The following POLE variants were observed in gnomAD, a reference collection of about 807,000 sequenced individuals.
The protein encoded by POLE is DNA polymerase epsilon catalytic subunit A.
Under a neutral mutation model 279.2 loss-of-function variants are expected in POLE, and 188 were observed. The observed-to-expected ratio is 0.67, with a 90% CI of 0.60 to 0.76. The LOEUF is 0.76. Ranked by LOEUF, POLE falls within the 30% of genes least tolerant of loss-of-function variation. POLE has a pLI of 0.00. For missense variants in POLE, 2,703 were observed against 3,016.7 expected (o/e 0.90, Z 2.44); for synonymous variants, 1,214 against 1,172.5 (o/e 1.04, Z -0.72).
At position 132,673,485 on chromosome 12, in the gene POLE, C is replaced by T. The variant is rs544472412; in HGVS notation, c.1359+90G>A. 71 of 1,554,226 alleles carry T rather than the reference C, an allele frequency of 4.6e-5. No individual in the cohort carries two copies. The Middle Eastern group carries it at 2.4e-3, about 52-fold the overall frequency. ...GCGTGCACACGGCAGCAGGGGGAGCCGGGATGTGGCTCACATGCCTGGGGC... is the reference window on the plus strand; with the variant it reads ...GCGTGCACACGGCAGCAGGGGGAGCTGGGATGTGGCTCACATGCCTGGGGC... On this transcript the variant is annotated intron_variant, in intron 13 of 48. Coordinates refer to ENST00000320574, the MANE Select transcript of POLE (RefSeq NM_006231.4).
rs911635257 is a variant in POLE at position 132,661,232 on chromosome 12, A to C, written c.2865-68T>G. On this transcript the variant is annotated intron_variant, in intron 24 of 48. Transcript: ENST00000320574. This position sits in a 1 kb window ranked among gnomAD's most constrained non-coding sequence, Gnocchi z 4.1. ...GCTGGGGAGCCACCAGCTGTGCCTCATCCTCTCTGCCCGCCTCTTCCCTTT... is the reference window on the plus strand; with the variant it reads ...GCTGGGGAGCCACCAGCTGTGCCTCCTCCTCTCTGCCCGCCTCTTCCCTTT... 1 of 1,390,994 alleles carries C rather than the reference A, an allele frequency of 7.2e-7. No individual in the cohort carries two copies. Among genetic ancestry groups the C allele is most frequent in the Admixed American group, 2.1e-5 (1 of 46,892 alleles). 86.2% of individuals were successfully genotyped at this position (1,390,994 alleles called of 1,614,324 possible).
intron 29 of POLE, among the ~76,000 whole-genome samples, chr12:132,652,354 C>T (rs1170263697): frequency 7.3e-6 from 1 of 137,148 alleles, no homozygotes; most frequent in Admixed American, 7.9e-5. Flanking sequence ...ACAGGGGTCT[C>T]GCTCTGTCAC....
chr12:132,669,155 C>T lies in POLE; in HGVS notation c.1795-216G>A, dbSNP rs115647860. On this transcript the variant is annotated intron_variant, in intron 16 of 48. Coordinates refer to ENST00000320574, the MANE Select transcript of POLE (RefSeq NM_006231.4). ...ATTAGAAAATTACTTGAACACTAAA[C>T]TCTCCTTAGTATTAAAAAAAATCCT... Among the ~76,000 whole-genome samples the T allele has an allele frequency of 9.0e-3, 1,369 of 152,214 alleles. 14 individuals carry two copies. Among genetic ancestry groups the T allele is most frequent in the African/African-American group, 0.032 (1,309 of 41,546 alleles).
Position 132,665,286 on chromosome 12 carries a change from G to T in POLE, c.2468+16C>A. The T allele has an allele frequency of 1.9e-6, 3 of 1,610,080 alleles. No individual in the cohort carries two copies. Among genetic ancestry groups the T allele is most frequent in the Non-Finnish European group, 2.5e-6 (3 of 1,177,092 alleles). Reference sequence around the variant, plus strand: ...CATTCCTCCCATAAGCCTCTCCCGGGCCCGGGCCCACCTACCCCTTGCGCA... The same window carrying T: ...CATTCCTCCCATAAGCCTCTCCCGGTCCCGGGCCCACCTACCCCTTGCGCA... On this transcript the variant is annotated intron_variant, in intron 21 of 48. Coordinates refer to ENST00000320574, the MANE Select transcript of POLE (RefSeq NM_006231.4).
intron 15 of POLE, 41 bp downstream of exon 15, chr12:132,672,586 A>C: frequency 6.3e-7 from 1 of 1,590,742 alleles, no homozygotes. Flanking sequence ...CTACCACAGC[A>C]CAAGAGTGGG....
At chr12:132,669,987 C>T (rs1005506554) in intron 16 of POLE, among the ~76,000 whole-genome samples, 43 of 152,184 alleles carry the variant, frequency 2.8e-4, no homozygotes, top group South Asian at 8.3e-4. Context: ...AGCTCTCTTC[C>T]TCACTCACCA....
chr12:132,666,396 T>G (rs2042797571), intron 20 of POLE, among the ~76,000 whole-genome samples: 2 of 152,254 alleles, frequency 1.3e-5, no homozygotes, highest in African/African-American at 4.8e-5. Flanking sequence ...GAGACCAGCC[T>G]GGGCAACATG....
chr12:132,671,348 G>A (rs182186726), intron 16 of POLE, among the ~76,000 whole-genome samples: 1 of 148,904 alleles, frequency 6.7e-6, no homozygotes, highest in African/African-American at 2.5e-5. Flanking sequence ...CACTGAACAT[G>A]ATGTAGTGCT....
chr12:132,632,179 C>G lies in POLE; in HGVS notation c.6330+136G>C, dbSNP rs373020604. 7.3e-6 allele frequency: 5 copies of G among 682,052 alleles called. No homozygotes were observed. The South Asian group carries it at 9.2e-5, about 12-fold the overall frequency. 42.3% of individuals were successfully genotyped at this position (682,052 alleles called of 1,614,324 possible). A position where few individuals can be genotyped will look rare whatever the true frequency, so the allele number is the denominator to read the frequency against. On this transcript the variant is annotated intron_variant, in intron 45 of 48. Transcript: ENST00000320574. ...ACATCCTTACCATGCACAGGTATGTCGGTGTCCTTATCTTGCACACATACG... is the reference window on the plus strand; with the variant it reads ...ACATCCTTACCATGCACAGGTATGTGGGTGTCCTTATCTTGCACACATACG...
chr12:132,671,574 C>T (rs1565969762), intron 16 of POLE, among the ~76,000 whole-genome samples: 2 of 148,868 alleles, frequency 1.3e-5, no homozygotes, highest in African/African-American at 5.0e-5. Context: ...GAGCCTGAGG[C>T]AGGAGAATTG....
Position 132,642,913 on chromosome 12 carries a change from G to T in POLE, c.4635C>A (p.Leu1545=), listed in dbSNP as rs199945393. 2.5e-6 allele frequency: 4 copies of T among 1,613,466 alleles called. No homozygotes were observed. The African/African-American group carries it at 5.3e-5, about 22-fold the overall frequency. Residue 1545 remains leucine, a synonymous_variant, in exon 36 of 49, where the codon CTC becomes CTA. Coordinates refer to ENST00000320574, the MANE Select transcript of POLE (RefSeq NM_006231.4). ...CGAAGGTGTGTTTGGGGGGTGGCAGGAGCTCAGGGCCCACCTTCTCCAGGA... is the reference window on the plus strand; with the variant it reads ...CGAAGGTGTGTTTGGGGGGTGGCAGTAGCTCAGGGCCCACCTTCTCCAGGA... ...GLLLEKVGPE[L]LPPPKHTFEV...
chr12:132,681,018 A>T (rs2043154133), intron 2 of POLE, 120 bp downstream of exon 2: 1 of 1,194,762 alleles, frequency 8.4e-7, no homozygotes, highest in Non-Finnish European at 1.2e-6. Flanking sequence ...GAACCTTCAC[A>T]TCTCCCACCT....
rs371147799 is a variant in POLE at position 132,679,616 on chromosome 12, G to A, written c.459C>T (p.Ile153=). The change falls in exon 6 of 49, where the codon ATC becomes ATT. Residue 153 remains isoleucine, a synonymous_variant. Transcript: ENST00000320574. Reference sequence around the variant, plus strand: ...CCTCCACAGTGTGGAAGGACAGCCTGATGTAATTTCGCTTCAAACCCACCA... The same window carrying A: ...CCTCCACAGTGTGGAAGGACAGCCTAATGTAATTTCGCTTCAAACCCACCA... ...NHLVGLKRNY[I]RLSFHTVEDL... is the part of the protein sequence containing the mutation. 1.9e-6 allele frequency: 3 copies of A among 1,612,898 alleles called. No homozygotes were observed. The highest frequency in any genetic ancestry group is 2.2e-5 in the South Asian group (2 of 91,062).
chr12:132,672,780 G>A lies in POLE; in HGVS notation c.1533C>T (p.His511=), dbSNP rs545378475. The change falls in exon 15 of 49, where the codon CAC becomes CAT. Residue 511 remains histidine, a synonymous_variant. Transcript: ENST00000320574. ...GCTTGTTGGGGAAGATGATGTTGGC[G>A]TGGAAGGCCTGCACCATCAGCAAGG... ...CEALLMVQAF[H]ANIIFPNKQE... is the part of the protein sequence containing the mutation. The A allele has an allele frequency of 2.5e-5, 40 of 1,614,176 alleles. No homozygotes were observed. Among genetic ancestry groups the A allele is most frequent in the South Asian group, 1.6e-4 (15 of 91,086 alleles).
chr12:132,648,761 G>A (rs5744906), intron 32 of POLE, 168 bp downstream of exon 32: 5 of 682,742 alleles, frequency 7.3e-6, no homozygotes, highest in African/African-American at 3.6e-5. Flanking sequence ...CCCGGCACTC[G>A]CTCTGCCCCA....
At position 132,673,073 on chromosome 12, in the gene POLE, C is replaced by T. The variant is rs540344652; in HGVS notation, c.1473+91G>A. 4.3e-6 allele frequency: 4 copies of T among 920,038 alleles called. No individual in the cohort carries two copies. The Admixed American group carries it at 5.3e-5, about 12-fold the overall frequency. The allele number at this position is 920,038 out of a possible 1,614,324, so 57.0% of individuals were successfully genotyped here. ...ACTGCCGCCTCTGGTGCCAGCACTC[C>T]TGGGACATCCACCTCCATTCAGCTC... On this transcript the variant is annotated intron_variant, in intron 14 of 48. Coordinates refer to ENST00000320574, the MANE Select transcript of POLE (RefSeq NM_006231.4).
chr12:132,642,436 G>A (rs372358148), intron 37 of POLE, 39 bp from the exon 38 acceptor site: 29 of 1,594,884 alleles, frequency 1.8e-5, no homozygotes, highest in African/African-American at 4.0e-5. Context: ...GCACATCGCC[G>A]GGTCACAGAG....
At chr12:132,683,112 T>C (rs2043202749) in intron 1 of POLE, among the ~76,000 whole-genome samples, 1 of 152,024 alleles carries the variant, frequency 6.6e-6, no homozygotes, top group Non-Finnish European at 1.5e-5. Context: ...CCACTTGTGG[T>C]AGGCAGGCAG....
Position 132,649,850 on chromosome 12 carries a change from T to G in POLE, c.3622A>C (p.Ser1208Arg), listed in dbSNP as rs1207616449. The change falls in exon 30 of 49, where the codon AGT becomes CGT. Residue 1208 changes from serine (S) to arginine (R), a missense_variant. Around this residue, in one of 5 missense-constraint regions of POLE, gnomAD observed 1,551 missense variants for 1,686.1 expected, o/e 0.92. Transcript: ENST00000320574. ...CCGAAGTCCTCCATGTCAGGAGCAC[T>G]TGGCCTCGGACTGTCTTCTGAGGCC... ...AEASEDSPRP[S>R]APDMEDFGLV... is the part of the protein sequence containing the mutation. 21 of 1,613,976 alleles carry G rather than the reference T, an allele frequency of 1.3e-5. No homozygotes were observed. The highest frequency in any genetic ancestry group is 1.8e-5 in the Non-Finnish European group (21 of 1,180,036).
Sources: gnomAD v4.1 joint callset for allele counts (sites outside exome capture counted in the v4.1 genomes callset) on GRCh38, gnomAD v4.1.1 for gene constraint, gnomAD v4.1.1 regional missense constraint, Gnocchi (gnomAD v3.1) non-coding constraint, MANE v1.5 for transcripts, NCBI Gene and HGNC (gene_info 2026-07-23, HGNC 2026-07-21) for gene names.